PREP: variants seen among roughly 807,000 people sequenced by gnomAD.
PREP encodes the protein dJ355L5.1 (prolyl endopeptidase).
Under a neutral mutation model 87.6 loss-of-function variants are expected in PREP, and 29 were observed. The ratio of observed to expected loss-of-function variants is 0.33; its 90% CI spans 0.25 to 0.45. The LOEUF is 0.45. Ranked by LOEUF, PREP falls within the 20% of genes least tolerant of loss-of-function variation. The pLI, the probability that PREP is intolerant of heterozygous loss-of-function variation, is 1.00. For missense variants in PREP, 695 were observed against 886.5 expected (o/e 0.78, Z 2.74); for synonymous variants, 337 against 328.6 (o/e 1.03, Z -0.28).
chr6:105,374,612 C>A, intron 4 of PREP, among the ~76,000 whole-genome samples: 1 of 111,386 alleles, frequency 9.0e-6, no homozygotes, highest in Admixed American at 9.3e-5. Context: ...TTCTACATAG[C>A]ACTGGAGTGT....
At chr6:105,290,684 T>C (rs974846309) in intron 10 of PREP, among the ~76,000 whole-genome samples, 1 of 152,120 alleles carries the variant, frequency 6.6e-6, no homozygotes, top group African/African-American at 2.4e-5. Context: ...ATTTCCAGTA[T>C]CTGAAAGCCA....
intron 6 of PREP, among the ~76,000 whole-genome samples, chr6:105,365,879 CTTT>C (rs35617234): frequency 6.4e-4 from 93 of 146,172 alleles, no homozygotes; most frequent in African/African-American, 2.3e-3. Context: ...GTTCCTTTAG[CTTT>C]TTTTTTTTTT....
At chr6:105,344,067 C>A (rs1168373271) in intron 7 of PREP, among the ~76,000 whole-genome samples, 1 of 152,202 alleles carries the variant, frequency 6.6e-6, no homozygotes, top group Non-Finnish European at 1.5e-5. Flanking sequence ...AAGACACATG[C>A]ACACGTATGT....
chr6:105,397,789 C>T (rs1264152362), intron 2 of PREP, 64 bp downstream of exon 2: 7 of 1,265,604 alleles, frequency 5.5e-6, no homozygotes, highest in Non-Finnish European at 1.2e-6. Context: ...GCTATAGTTA[C>T]TGACATTTAG....
At chr6:105,363,278 A>C (rs1201049027) in intron 6 of PREP, among the ~76,000 whole-genome samples, 1 of 152,192 alleles carries the variant, frequency 6.6e-6, no homozygotes, top group South Asian at 2.1e-4. Context: ...GCATTTTCAC[A>C]ATCTTCATTC....
At position 105,281,787 on chromosome 6, in the gene PREP, A is replaced by G. The variant is rs1770087352; in HGVS notation, c.1797T>C (p.Tyr599=). 1 of 1,614,172 alleles carries G rather than the reference A, an allele frequency of 6.2e-7. No individual in the cohort carries two copies. Among genetic ancestry groups the G allele is most frequent in the Non-Finnish European group, 8.5e-7 (1 of 1,180,020 alleles). The change falls in exon 14 of 15, where the codon TAT becomes TAC. Residue 599 remains tyrosine (Y), a synonymous_variant. Transcript: ENST00000652536. The part of the protein sequence containing the change: ...YTIGHAWTTD[Y]GCSDSKQHFE... ...AGTGTTGTTTGCTGTCCGAGCACCCATAATCAGTGGTCCAAGCATGGCCGA... is the reference window on the plus strand; with the variant it reads ...AGTGTTGTTTGCTGTCCGAGCACCCGTAATCAGTGGTCCAAGCATGGCCGA...
At chr6:105,330,192 C>A (rs11156437) in intron 8 of PREP, among the ~76,000 whole-genome samples, 1 of 151,984 alleles carries the variant, frequency 6.6e-6, no homozygotes, top group Non-Finnish European at 1.5e-5. Context: ...GAGCCACTGT[C>A]TGAACACAAG....
At chr6:105,283,920 G>C (rs558576658) in intron 12 of PREP, among the ~76,000 whole-genome samples, 1 of 152,186 alleles carries the variant, frequency 6.6e-6, no homozygotes, top group Non-Finnish European at 1.5e-5. Context: ...GATGACCAGA[G>C]GGGTTTTCTG....
At chr6:105,392,829 G>A (rs971539747) in intron 2 of PREP, among the ~76,000 whole-genome samples, 8 of 152,056 alleles carry the variant, frequency 5.3e-5, no homozygotes, top group African/African-American at 9.7e-5. Flanking sequence ...CACCCTCCTC[G>A]GCCTCCCAAA....
intron 6 of PREP, among the ~76,000 whole-genome samples, chr6:105,365,963 A>G (rs1220526246): frequency 6.6e-6 from 1 of 151,294 alleles, no homozygotes; most frequent in Non-Finnish European, 1.5e-5. Flanking sequence ...CTTTAAAGTC[A>G]TTACTCTTAG....
chr6:105,316,542 T>A (rs184894738), intron 10 of PREP, among the ~76,000 whole-genome samples: 15 of 152,326 alleles, frequency 9.8e-5, no homozygotes, highest in Middle Eastern at 6.8e-3. Context: ...AACAGACTTG[T>A]TCAACACAAG....
chr6:105,396,094 T>C (rs1773279881), intron 2 of PREP, among the ~76,000 whole-genome samples: 1 of 152,214 alleles, frequency 6.6e-6, no homozygotes, highest in Admixed American at 6.5e-5. Context: ...TACTCAGGTG[T>C]TTCTCACTTT....
At chr6:105,376,825 G>A (rs6571233) in intron 3 of PREP, among the ~76,000 whole-genome samples, 6,765 of 152,248 alleles carry the variant, frequency 0.044, 515 homozygotes, top group African/African-American at 0.16. Flanking sequence ...TAGGTAGGCA[G>A]CCAGGGTTTG....
rs186635119 is a variant in PREP, at chr6:105,394,477, G to A, written c.120+3376C>T. Among the ~76,000 whole-genome samples the A allele has an allele frequency of 2.3e-3, 353 of 151,916 alleles. 3 individuals carry two copies. The highest frequency in any genetic ancestry group is 6.8e-4 in the Non-Finnish European group (46 of 67,968). On this transcript the variant is annotated intron_variant, in intron 2 of 14. Coordinates refer to ENST00000652536, the MANE Select transcript of PREP (RefSeq NM_002726.5). ...ATCTGTGAGTTCAAAAAAATTACTA[G>A]GTACAAAATATATAAAATAACCAAA...
At position 105,358,067 on chromosome 6, in the gene PREP, CA is replaced by C. The variant is rs139064542; in HGVS notation, c.718-4991del. Among the ~76,000 whole-genome samples the C allele has an allele frequency of 3.4e-3, 521 of 152,138 alleles. 27 individuals carry two copies. In the East Asian group the frequency reaches 0.09, roughly 26 times the overall value. ...AATTATGAAATAATTCCTAAATTTA[CA>C]AATTCCTAAATTTGTGCTTTCATGG... On this transcript the variant is annotated intron_variant, in intron 6 of 14. Transcript: ENST00000652536.
Position 105,323,684 on chromosome 6 carries a change from G to A in PREP, c.1298C>T (p.Ser433Phe). ...CCATACCTGGACTGTCTGGTAATCA[G>A]AAGCATCAATTCCTTTTACGGTCAC... ...REVTVKGIDA[S>F]DYQTVQIFYP... The change falls in exon 10 of 15, where the codon TCT (serine) becomes TTT (phenylalanine). Residue 433 changes from serine (S) to phenylalanine (F), a missense_variant. Transcript: ENST00000652536. The A allele has an allele frequency of 6.2e-7, 1 of 1,611,612 alleles. No homozygotes were observed. The highest frequency in any genetic ancestry group is 8.5e-7 in the Non-Finnish European group (1 of 1,177,680).
At chr6:105,390,638 G>T (rs1773116700) in intron 2 of PREP, among the ~76,000 whole-genome samples, 1 of 152,186 alleles carries the variant, frequency 6.6e-6, no homozygotes. Context: ...ACAACTTCTA[G>T]AACATTCAGC....
chr6:105,336,879 A>G (rs1325627104), intron 7 of PREP, among the ~76,000 whole-genome samples: 1 of 152,042 alleles, frequency 6.6e-6, no homozygotes, highest in Non-Finnish European at 1.5e-5. Flanking sequence ...GTTCCTTTAT[A>G]TATCTATATT....
intron 10 of PREP, chr6:105,322,893 T>TG (rs1771049263): frequency 8.4e-7 from 1 of 1,183,658 alleles, no homozygotes; most frequent in African/African-American, 1.6e-5. Flanking sequence ...AGAAACATTG[T>TG]GGGGAACATC....
Sources: allele counts gnomAD v4.1 joint callset (sites outside exome capture counted in the v4.1 genomes callset), GRCh38; gene constraint gnomAD v4.1.1; transcripts MANE v1.5; gene names NCBI Gene and HGNC (gene_info 2026-07-23, HGNC 2026-07-21).